AOC1: variants seen among roughly 807,000 people sequenced by gnomAD.
AOC1 encodes diamine oxidase [copper-containing].
AOC1 carries 58 observed loss-of-function variants against 57.1 expected under a neutral mutation model. That is an observed-to-expected ratio of 1.02 (90% CI 0.82 to 1.26). AOC1 has a LOEUF of 1.26. Among genes scored for constraint, AOC1 ranks in the 50% most tolerant of loss-of-function variants. AOC1 has a pLI of 0.00. For missense variants in AOC1, 917 were observed against 1,005.3 expected, an observed-to-expected ratio of 0.91 and a Z score of 1.19; for synonymous variants, 401 against 423.4, an observed-to-expected ratio of 0.95 and a Z score of 0.65.
Position 150,860,611 on chromosome 7 carries a change from A to G in AOC1, c.1967A>G (p.Asn656Ser). The G allele has an allele frequency of 1.9e-6, 3 of 1,613,900 alleles. No individual in the cohort carries two copies. Among genetic ancestry groups the G allele is most frequent in the Non-Finnish European group, 2.5e-6 (3 of 1,179,878 alleles). Residue 656 changes from asparagine (N) to serine (S), a missense_variant, in exon 4 of 5, where the codon AAC becomes AGC. Coordinates refer to ENST00000360937, the MANE Select transcript of AOC1 (RefSeq NM_001091.4). ...PPVVFEQFLH[N>S]NENIENEDLV... Reference sequence around the variant, plus strand: ...GTGGTCTTTGAGCAGTTTCTTCACAACAACGAGAACATTGAAAATGAGGTA... The same window carrying G: ...GTGGTCTTTGAGCAGTTTCTTCACAGCAACGAGAACATTGAAAATGAGGTA...
At chr7:150,859,744 C>T (rs1343969756) in intron 3 of AOC1, 2 of 151,476 alleles carry the variant, frequency 1.3e-5, no homozygotes, top group East Asian at 2.0e-4. Flanking sequence ...GAAAATATAT[C>T]TACAATCCAT....
At chr7:150,858,531 C>T (rs1313068440) in intron 2 of AOC1, among the ~76,000 whole-genome samples, 1 of 152,110 alleles carries the variant, frequency 6.6e-6, no homozygotes, top group Non-Finnish European at 1.5e-5. Flanking sequence ...AAAATGGGTG[C>T]CCCTGCTCTA....
In AOC1 at chr7:150,860,931, T is replaced by C; in HGVS notation, c.1990-12T>C. On this transcript the variant is annotated splice_polypyrimidine_tract_variant and intron_variant, in intron 4 of 4. Transcript: ENST00000360937. ...CAGCCCTGCCCACTGAAGCCCACCC[T>C]GTCTCCTGCAGGACCTGGTGGCCTG... is the stretch of plus-strand genomic sequence containing the variant. 2.5e-6 allele frequency: 4 copies of C among 1,607,582 alleles called. No individual in the cohort carries two copies. Among genetic ancestry groups the C allele is most frequent in the Non-Finnish European group, 2.5e-6 (3 of 1,177,630 alleles).
In AOC1 at chr7:150,856,189, T is replaced by C. The variant is rs1479729375; in HGVS notation, c.-16-266T>C. On this transcript the variant is annotated intron_variant, in intron 1 of 4. Transcript: ENST00000360937. This position sits in a 1 kb window ranked among gnomAD's most constrained non-coding sequence, Gnocchi z 5.2. ...GAGATAATACACAAAAACAAGGGTG[T>C]TCCCCTGAGTAAGGAAGGCTGCAGG... Among the ~76,000 whole-genome samples the C allele has an allele frequency of 6.6e-6, 1 of 152,128 alleles. No homozygotes were observed. The highest frequency in any genetic ancestry group is 1.5e-5 in the Non-Finnish European group (1 of 68,010).
At chr7:150,860,908 G>T in intron 4 of AOC1, 35 bp from the exon 5 acceptor site, 1 of 1,596,112 alleles carries the variant, frequency 6.3e-7, no homozygotes, top group Non-Finnish European at 8.5e-7. Flanking sequence ...TCAGTACTCA[G>T]CCCTGCCCAC....
chr7:150,853,152 G>A (rs1799668688), intron 1 of AOC1, among the ~76,000 whole-genome samples: 1 of 152,194 alleles, frequency 6.6e-6, no homozygotes, highest in Non-Finnish European at 1.5e-5. Flanking sequence ...GATTTTGGGG[G>A]AGGTGGAACT....
At chr7:150,853,695 A>ATATATT (rs1244012491) in intron 1 of AOC1, among the ~76,000 whole-genome samples, 114 of 84,182 alleles carry the variant, frequency 1.4e-3, no homozygotes, top group Admixed American at 2.1e-3. Flanking sequence ...ATATATATAT[A>ATATATT]TATTTATTTA....
At chr7:150,858,152 C>G in intron 2 of AOC1, 112 bp downstream of exon 2, 1 of 1,365,418 alleles carries the variant, frequency 7.3e-7, no homozygotes, top group Non-Finnish European at 9.8e-7. Context: ...GGAGCATTTG[C>G]CAAGCCTGCT....
Position 150,856,668 on chromosome 7 carries a change from GAAC to G in AOC1, c.200_202del (p.Asn67del). On this transcript the variant is annotated inframe_deletion, in exon 2 of 5. Transcript: ENST00000360937. This position sits in a 1 kb window ranked among gnomAD's most constrained non-coding sequence, Gnocchi z 5.2. ...CCTCCAGTACCACCACCATGGCCAA[GAAC>G]ACCGTGTTTCTCATCGAGATGCTGC... is the stretch of plus-strand genomic sequence containing the variant. The G allele has an allele frequency of 1.2e-6, 2 of 1,614,160 alleles. No individual in the cohort carries two copies. Among genetic ancestry groups the G allele is most frequent in the Non-Finnish European group, 1.7e-6 (2 of 1,179,980 alleles).
In AOC1 at chr7:150,858,792, A is replaced by G; in HGVS notation, c.1600A>G (p.Met534Val). ...CAAGAACAGCTTCCAGACACTGCAG[A>G]TGAAGCTAGAAAACATCACCAACCC... Reference protein sequence around the residue: ...GTKNSFQTLQMKLENITNPWS... With the variant: ...GTKNSFQTLQVKLENITNPWS... The change falls in exon 3 of 5, where the codon ATG becomes GTG. Residue 534 changes from methionine (M) to valine (V), a missense_variant. Physicochemically the swap from Met to Val is conservative, Grantham distance 21. Transcript: ENST00000360937. The G allele has an allele frequency of 1.2e-6, 2 of 1,609,994 alleles. No individual in the cohort carries two copies. The highest frequency in any genetic ancestry group is 8.5e-7 in the Non-Finnish European group (1 of 1,176,602).
In AOC1 at chr7:150,857,824, C is replaced by T; in HGVS notation, c.1354C>T (p.Leu452=). 1 of 1,614,166 alleles carries T rather than the reference C, an allele frequency of 6.2e-7. No individual in the cohort carries two copies. Among genetic ancestry groups the T allele is most frequent in the Non-Finnish European group, 8.5e-7 (1 of 1,179,972 alleles). The change falls in exon 2 of 5, where the codon CTG becomes TTG. Residue 452 remains leucine, a synonymous_variant. Coordinates refer to ENST00000360937, the MANE Select transcript of AOC1 (RefSeq NM_001091.4). The surrounding 1 kb of genome is among the most constrained non-coding windows in gnomAD (Gnocchi z 6.6). ...GGGGCTGAAGGGCCAGGTGCTGGTG[C>T]TGCGGACAACTTCAACTGTCTACAA... ...YAGLKGQVLV[L]RTTSTVYNYD... is the part of the protein sequence containing the mutation.
intron 3 of AOC1, 50 bp from the exon 4 acceptor site, chr7:150,860,451 G>T (rs778970205): frequency 1.9e-6 from 3 of 1,612,112 alleles, no homozygotes; most frequent in Admixed American, 3.3e-5. Flanking sequence ...CAGGACTGAG[G>T]GGGGCCAGCC....
In AOC1 at chr7:150,857,947, G is replaced by A. The variant is rs780204557; in HGVS notation, c.1477G>A (p.Glu493Lys). ...CGTCCACGCCACCTTCTACACCCCC[G>A]AGGGGCTGCGCCACGGCACTCGCCT... is the stretch of plus-strand genomic sequence containing the variant. ...GYVHATFYTP[E>K]GLRHGTRLHT... Residue 493 changes from glutamate (E) to lysine (K), a missense_variant, in exon 2 of 5, where the codon GAG becomes AAG. Physicochemically the swap from Glu to Lys is moderately conservative, Grantham distance 56 (BLOSUM62 1). Transcript: ENST00000360937. This position sits in a 1 kb window ranked among gnomAD's most constrained non-coding sequence, Gnocchi z 6.6. The A allele has an allele frequency of 1.2e-5, 20 of 1,608,038 alleles. No homozygotes were observed. Among genetic ancestry groups the A allele is most frequent in the Admixed American group, 3.3e-5 (2 of 59,800 alleles).
Position 150,861,230 on chromosome 7 carries a change from C to G in AOC1, c.*21C>G, listed in dbSNP as rs768456671. ...TGTGACCAGCCCCCAGTTCCTCCCC[C>G]AGTTCCTCCCAGGAAGCCCAGGAGC... On this transcript the variant is annotated 3_prime_UTR_variant, in exon 5 of 5. Transcript: ENST00000360937. This position sits in a 1 kb window ranked among gnomAD's most constrained non-coding sequence, Gnocchi z 4.5. The G allele has an allele frequency of 5.8e-6, 9 of 1,545,740 alleles. No homozygotes were observed. The highest frequency in any genetic ancestry group is 2.7e-5 in the African/African-American group (2 of 73,518).
In AOC1 at chr7:150,858,745, C is replaced by T. The variant is rs866346550; in HGVS notation, c.1571-18C>T. The T allele has an allele frequency of 1.3e-6, 2 of 1,577,798 alleles. No homozygotes were observed. Among genetic ancestry groups the T allele is most frequent in the Middle Eastern group, 3.4e-4 (2 of 5,922 alleles). The stretch of plus-strand genomic sequence containing the variant: ...TGGCAGCTTGATTCTCGTTCTCCTT[C>T]TCCCTGCATACCTCCAGGCACCAAG... On this transcript the variant is annotated intron_variant, in intron 2 of 4. Coordinates refer to ENST00000360937, the MANE Select transcript of AOC1 (RefSeq NM_001091.4).
intron 2 of AOC1, 57 bp from the exon 3 acceptor site, chr7:150,858,703 TGAG>T (rs1799868762): frequency 6.6e-7 from 1 of 1,504,200 alleles, no homozygotes. Flanking sequence ...TGGGGTAGAA[TGAG>T]GAGGTTTCAG....
At chr7:150,853,613 T>G (rs1382861755) in intron 1 of AOC1, among the ~76,000 whole-genome samples, 1 of 148,574 alleles carries the variant, frequency 6.7e-6, no homozygotes, top group East Asian at 2.0e-4. Context: ...GAGGATCACT[T>G]GAGCCCAGGA....
At chr7:150,854,080 T>C (rs1799703621) in intron 1 of AOC1, 2 of 152,134 alleles carry the variant, frequency 1.3e-5, no homozygotes, top group African/African-American at 4.8e-5. Context: ...CAATATTTAA[T>C]AGGAGAACAC....
chr7:150,855,938 C>G (rs1409689247), intron 1 of AOC1, among the ~76,000 whole-genome samples: 1 of 152,192 alleles, frequency 6.6e-6, no homozygotes, highest in Non-Finnish European at 1.5e-5. Flanking sequence ...ACAGCAAGTC[C>G]TAGTGGCATG....
Sources: gnomAD v4.1 joint callset for allele counts (sites outside exome capture counted in the v4.1 genomes callset) on GRCh38, gnomAD v4.1.1 for gene constraint, Gnocchi (gnomAD v3.1) non-coding constraint, MANE v1.5 for transcripts, NCBI Gene and HGNC (gene_info 2026-07-23, HGNC 2026-07-21) for gene names.